Variants in LRBA observed in about 807,000 individuals in gnomAD.
The protein encoded by LRBA is LPS responsive beige-like anchor protein, also known as lipopolysaccharide-responsive and beige-like anchor protein.
Under a neutral mutation model 330.0 loss-of-function variants are expected in LRBA, and 176 were observed. That is an observed-to-expected ratio of 0.53 (90% CI 0.47 to 0.60). The LOEUF (loss-of-function observed/expected upper bound fraction) is 0.60, where lower values mean the gene tolerates loss of function less well. LRBA is among the 20% of genes least tolerant of loss of function. The pLI, the probability that LRBA is intolerant of heterozygous loss-of-function variation, is 0.00. For synonymous variants in LRBA, 1,230 were observed against 1,193.0 expected (o/e 1.03, Z -0.64); for missense variants, 3,259 against 3,444.8 (o/e 0.95, Z 1.35).
Position 150,828,186 on chromosome 4 carries a change from A to G in LRBA, c.5165T>C (p.Phe1722Ser). ...SVEQPVQFRS[F>S]DRSVIVAAKK... ...GAAAAACTATTATCAGTACCTGTCAAAAGATCTGAACTGCACGGGTTGTTC... is the reference window on the plus strand; with the variant it reads ...GAAAAACTATTATCAGTACCTGTCAGAAGATCTGAACTGCACGGGTTGTTC... The change falls in exon 30 of 57, where the codon TTT (phenylalanine) becomes TCT (serine). Residue 1722 changes from phenylalanine (F) to serine (S), a missense_variant. Phe to Ser is a radical substitution (Grantham distance 155). Transcript: ENST00000651943. 1 of 1,613,388 alleles carries G rather than the reference A, an allele frequency of 6.2e-7. No individual in the cohort carries two copies. The highest frequency in any genetic ancestry group is 8.5e-7 in the Non-Finnish European group (1 of 1,179,460).
intron 40 of LRBA, among the ~76,000 whole-genome samples, chr4:150,503,011 G>A (rs2152119920): frequency 6.6e-6 from 1 of 152,344 alleles, no homozygotes; most frequent in Non-Finnish European, 1.5e-5. Context: ...GGGGAGGGGT[G>A]CCCAACATTG....
At chr4:150,694,532 G>A (rs7655761) in intron 36 of LRBA, among the ~76,000 whole-genome samples, 143,918 of 149,404 alleles carry the variant, frequency 0.96, 69,598 homozygotes, top group African/African-American at 1. Flanking sequence ...TGAAAGCTTA[G>A]AAAATCTCAA....
rs1778393544 is a variant in LRBA at position 150,639,793 on chromosome 4, ATATATATATATATGTGTGTG to A, written c.5922-40682_5922-40663del. ...TATATATATATATATGTGTGTGTGT[ATATATATATATATGTGTGTG>A]TGTGTGTATATATATATATATATAT... is the stretch of plus-strand genomic sequence containing the variant. On this transcript the variant is annotated intron_variant, in intron 37 of 56. Coordinates refer to ENST00000651943, the MANE Select transcript of LRBA (RefSeq NM_001364905.1). Among the ~76,000 whole-genome samples the A allele has an allele frequency of 1.6e-3, 18 of 11,098 alleles. 2 individuals carry two copies. Among genetic ancestry groups the A allele is most frequent in the Middle Eastern group, 0.045 (1 of 22 alleles). 7.3% of individuals were successfully genotyped at this position (11,098 alleles called of 152,430 possible). A position where few individuals can be genotyped will look rare whatever the true frequency, so the allele number is the denominator to read the frequency against.
chr4:150,966,371 G>A (rs1474075163), intron 2 of LRBA, among the ~76,000 whole-genome samples: 1 of 149,424 alleles, frequency 6.7e-6, no homozygotes, highest in Non-Finnish European at 1.5e-5. Context: ...GCAGTGGCAT[G>A]ATCTTGACAT....
At chr4:150,664,839 C>T (rs1171721981) in intron 37 of LRBA, among the ~76,000 whole-genome samples, 1 of 152,192 alleles carries the variant, frequency 6.6e-6, no homozygotes, top group Non-Finnish European at 1.5e-5. Context: ...ACTTCAAGTT[C>T]ATTTTCTTTT....
chr4:150,325,052 G>A (rs114589825), intron 49 of LRBA, among the ~76,000 whole-genome samples: 1,646 of 152,138 alleles, frequency 0.011, 27 homozygotes, highest in African/African-American at 0.038. Flanking sequence ...ATGAAATGTG[G>A]CATAAATGAT....
chr4:150,546,197 T>C lies in LRBA; in HGVS notation c.6330+41851A>G, dbSNP rs1033661261. On this transcript the variant is annotated intron_variant, in intron 40 of 56. Coordinates refer to ENST00000651943, the MANE Select transcript of LRBA (RefSeq NM_001364905.1). ...TCAACTAAAGGTTTCTTTAGCAATA[T>C]TAACATGGCCACGCTGCACATGTTA... is the stretch of plus-strand genomic sequence containing the variant. Among the ~76,000 whole-genome samples, 4 of 152,212 alleles carry C rather than the reference T, an allele frequency of 2.6e-5. No homozygotes were observed. In the East Asian group the frequency reaches 7.7e-4, roughly 29 times the overall value.
intron 40 of LRBA, among the ~76,000 whole-genome samples, chr4:150,506,164 A>G (rs1761048336): frequency 1.3e-5 from 2 of 152,242 alleles, no homozygotes; most frequent in Admixed American, 1.3e-4. Flanking sequence ...AGGAGCTGGT[A>G]TCATTCCTTC....
chr4:150,424,371 C>T (rs990944168), intron 46 of LRBA, among the ~76,000 whole-genome samples: 1 of 152,136 alleles, frequency 6.6e-6, no homozygotes, highest in Non-Finnish European at 1.5e-5. Flanking sequence ...TTGGTTGCCA[C>T]AAAAACATCA....
chr4:150,462,594 G>A (rs906507026), intron 44 of LRBA, among the ~76,000 whole-genome samples: 3 of 151,636 alleles, frequency 2.0e-5, no homozygotes, highest in Admixed American at 6.6e-5. Flanking sequence ...AGAATTCCCA[G>A]TGCAACATGG....
At chr4:150,687,787 G>T (rs1783756375) in intron 36 of LRBA, among the ~76,000 whole-genome samples, 1 of 151,612 alleles carries the variant, frequency 6.6e-6, no homozygotes, top group African/African-American at 2.4e-5. Context: ...TTCATCCTTT[G>T]CATGAAAGTA....
At chr4:150,696,786 A>G (rs1417224439) in intron 36 of LRBA, among the ~76,000 whole-genome samples, 1 of 151,560 alleles carries the variant, frequency 6.6e-6, no homozygotes, top group Admixed American at 6.6e-5. Context: ...AGGCAAATGA[A>G]TACCTTGCAC....
At position 150,264,702 on chromosome 4, in the gene LRBA, C is replaced by CTCAAATA. The variant is rs765522488; in HGVS notation, c.*1013_*1019dup. The CTCAAATA allele has an allele frequency of 3.9e-5, 6 of 152,634 alleles. No individual in the cohort carries two copies. Among genetic ancestry groups the CTCAAATA allele is most frequent in the Non-Finnish European group, 7.3e-5 (5 of 68,042 alleles). 9.5% of individuals were successfully genotyped at this position (152,634 alleles called of 1,614,324 possible). On this transcript the variant is annotated 3_prime_UTR_variant, in exon 57 of 57. Coordinates refer to ENST00000651943, the MANE Select transcript of LRBA (RefSeq NM_001364905.1). ...TTTATTTATGCAATACAGGCCTTTT[C>CTCAAATA]TCAAATATTTTTCACAGAATTCCAC...
intron 44 of LRBA, among the ~76,000 whole-genome samples, chr4:150,449,559 A>T (rs1185529190): frequency 6.6e-6 from 1 of 151,990 alleles, no homozygotes; most frequent in Non-Finnish European, 1.5e-5. Context: ...ACATAAAAAA[A>T]TGCCTCTGTG....
chr4:150,479,510 C>T (rs190047391), intron 42 of LRBA, among the ~76,000 whole-genome samples: 10 of 152,196 alleles, frequency 6.6e-5, no homozygotes, highest in South Asian at 2.1e-4. Context: ...AAAGCATTAC[C>T]GGTATTGTAA....
intron 40 of LRBA, among the ~76,000 whole-genome samples, chr4:150,534,760 A>C (rs1377992967): frequency 7.2e-5 from 11 of 152,204 alleles, no homozygotes; most frequent in Non-Finnish European, 8.8e-5. Context: ...CAATAAGCCT[A>C]TGTATGCAAC....
intron 35 of LRBA, among the ~76,000 whole-genome samples, chr4:150,746,347 T>C (rs1732719676): frequency 6.6e-6 from 1 of 152,090 alleles, no homozygotes; most frequent in Non-Finnish European, 1.5e-5. Context: ...CAGAGATCAT[T>C]CATTCTTTCA....
intron 37 of LRBA, among the ~76,000 whole-genome samples, chr4:150,677,083 G>A (rs1782624410): frequency 6.6e-6 from 1 of 151,900 alleles, no homozygotes; most frequent in Non-Finnish European, 1.5e-5. Flanking sequence ...ATATTTCTCA[G>A]TTCATACAGC....
At chr4:150,630,545 C>T (rs550577721) in intron 37 of LRBA, among the ~76,000 whole-genome samples, 1 of 152,176 alleles carries the variant, frequency 6.6e-6, no homozygotes, top group African/African-American at 2.4e-5. Flanking sequence ...TTAACACATA[C>T]TGTAGTTTAT....
Sources: allele counts gnomAD v4.1 joint callset (sites outside exome capture counted in the v4.1 genomes callset), GRCh38; gene constraint gnomAD v4.1.1; transcripts MANE v1.5; gene names NCBI Gene and HGNC (gene_info 2026-07-23, HGNC 2026-07-21).